Variants in PPARGC1A observed in about 807,000 individuals in gnomAD.
PPARGC1A encodes PPARG coactivator 1 alpha, also known as peroxisome proliferator-activated receptor gamma coactivator 1-alpha.
PPARGC1A carries 25 observed loss-of-function variants against 88.7 expected under a neutral mutation model. The observed-to-expected ratio is 0.28, with a 90% CI of 0.21 to 0.39. PPARGC1A has a LOEUF of 0.39. Among genes scored for constraint, PPARGC1A ranks in the 10% least tolerant of loss-of-function variants. The pLI is 1.00. For synonymous variants in PPARGC1A, 363 were observed against 355.6 expected (o/e 1.02, Z -0.24); for missense variants, 880 against 968.7 (o/e 0.91, Z 1.22).
At chr4:24,160,440 T>C in the PPARGC1A span, among the ~76,000 whole-genome samples, 1 of 152,212 alleles carries the variant, frequency 6.6e-6, no homozygotes, top group African/African-American at 2.4e-5. Context: ...AGTTTAAATT[T>C]GCCCAGGTAT....
At chr4:24,465,636 G>A in the PPARGC1A span, among the ~76,000 whole-genome samples, 2 of 152,172 alleles carry the variant, frequency 1.3e-5, no homozygotes, top group African/African-American at 4.8e-5. Context: ...CTACAGGAAC[G>A]TGAAAGCAGT....
At chr4:23,991,506 C>G in the PPARGC1A span, among the ~76,000 whole-genome samples, 1 of 151,956 alleles carries the variant, frequency 6.6e-6, no homozygotes, top group Non-Finnish European at 1.5e-5. Flanking sequence ...AGCTTTCCCT[C>G]TTGAAAGAGC....
At chr4:24,398,152 A>T in the PPARGC1A span, among the ~76,000 whole-genome samples, 1 of 152,238 alleles carries the variant, frequency 6.6e-6, no homozygotes, top group African/African-American at 2.4e-5. Flanking sequence ...CTTTATTAAC[A>T]TATATAGCAC....
At chr4:23,927,628 T>A in the PPARGC1A span, among the ~76,000 whole-genome samples, 13 of 152,334 alleles carry the variant, frequency 8.5e-5, no homozygotes, top group East Asian at 2.5e-3. Flanking sequence ...TTTGTATGTC[T>A]GACTTAATTT....
At chr4:23,983,591 A>C in the PPARGC1A span, among the ~76,000 whole-genome samples, 1 of 152,142 alleles carries the variant, frequency 6.6e-6, no homozygotes, top group African/African-American at 2.4e-5. Flanking sequence ...GAAGATGCAA[A>C]ATCTAAGCCA....
the PPARGC1A span, among the ~76,000 whole-genome samples, chr4:24,399,761 G>A: frequency 6.6e-6 from 1 of 151,476 alleles, no homozygotes; most frequent in African/African-American, 2.4e-5. Context: ...ATTATCTGAA[G>A]CATATGAACA....
the PPARGC1A span, among the ~76,000 whole-genome samples, chr4:24,323,703 C>T: frequency 6.6e-6 from 1 of 152,210 alleles, no homozygotes; most frequent in African/African-American, 2.4e-5. Flanking sequence ...TCTCTTCACA[C>T]GGACGTGCAT....
At chr4:24,395,175 A>ATTTTC in the PPARGC1A span, among the ~76,000 whole-genome samples, 755 of 152,334 alleles carry the variant, frequency 5.0e-3, 14 homozygotes, top group African/African-American at 0.017. Context: ...TTCAATATGT[A>ATTTTC]AAAACCCTCC....
At chr4:23,799,647 A>G (rs950238080) in intron 12 of PPARGC1A, among the ~76,000 whole-genome samples, 1 of 152,212 alleles carries the variant, frequency 6.6e-6, no homozygotes, top group African/African-American at 2.4e-5. Context: ...CAGAAAATAC[A>G]GAGCGAGCTT....
chr4:23,833,789 C>T (rs1039380433), intron 2 of PPARGC1A, among the ~76,000 whole-genome samples: 3 of 152,164 alleles, frequency 2.0e-5, no homozygotes, highest in Non-Finnish European at 2.9e-5. Flanking sequence ...CTTTAATTGA[C>T]GTTTTTTAAT....
the PPARGC1A span, among the ~76,000 whole-genome samples, chr4:24,315,563 G>T: frequency 6.6e-6 from 1 of 152,176 alleles, no homozygotes; most frequent in Non-Finnish European, 1.5e-5. Context: ...CTCTGCCCAA[G>T]CCAAAGTTTC....
At chr4:23,864,233 A>G (rs992351143) in intron 2 of PPARGC1A, among the ~76,000 whole-genome samples, 71 of 152,328 alleles carry the variant, frequency 4.7e-4, no homozygotes, top group African/African-American at 1.7e-3. Flanking sequence ...TTTTATTTAT[A>G]TGGTGCCTAG....
chr4:24,348,668 T>A, the PPARGC1A span, among the ~76,000 whole-genome samples: 1 of 152,216 alleles, frequency 6.6e-6, no homozygotes, highest in African/African-American at 2.4e-5. Flanking sequence ...TCATTGTTTT[T>A]TTCTTTAAGC....
chr4:24,006,536 T>C, the PPARGC1A span, among the ~76,000 whole-genome samples: 1 of 152,198 alleles, frequency 6.6e-6, no homozygotes, highest in African/African-American at 2.4e-5. Context: ...AGCATGCTGC[T>C]GAAATAACCT....
the PPARGC1A span, among the ~76,000 whole-genome samples, chr4:24,230,950 T>TAAAAA: frequency 1.0e-3 from 140 of 138,820 alleles, 2 homozygotes; most frequent in African/African-American, 2.6e-3. Flanking sequence ...CAGAATTTAT[T>TAAAAA]AAAAAAAATA....
chr4:23,933,970 G>A, the PPARGC1A span, among the ~76,000 whole-genome samples: 1 of 152,196 alleles, frequency 6.6e-6, no homozygotes, highest in African/African-American at 2.4e-5. Flanking sequence ...CTGGGGAAAG[G>A]TGAATACACT....
chr4:24,130,685 A>G, the PPARGC1A span, among the ~76,000 whole-genome samples: 1 of 152,094 alleles, frequency 6.6e-6, no homozygotes, highest in Non-Finnish European at 1.5e-5. Flanking sequence ...ATCACTTCAC[A>G]TCTCCAGACC....
the PPARGC1A span, among the ~76,000 whole-genome samples, chr4:24,339,615 C>T: frequency 2.6e-5 from 4 of 152,218 alleles, no homozygotes; most frequent in African/African-American, 7.2e-5. Flanking sequence ...CAATTACAGT[C>T]GGACCAGCTG....
intron 1 of PPARGC1A, among the ~76,000 whole-genome samples, chr4:23,886,462 G>T (rs969101733): frequency 2.6e-5 from 4 of 152,064 alleles, no homozygotes; most frequent in Non-Finnish European, 5.9e-5. Flanking sequence ...GAAAATCATT[G>T]CCATCCTTCT....
Sources: gnomAD v4.1 joint callset for allele counts (sites outside exome capture counted in the v4.1 genomes callset) on GRCh38, gnomAD v4.1.1 for gene constraint, MANE v1.5 for transcripts, NCBI Gene and HGNC (gene_info 2026-07-23, HGNC 2026-07-21) for gene names.